Variants in CNTLN observed in about 807,000 individuals in gnomAD.
CNTLN encodes the protein centlein, centrosomal protein.
A neutral mutation model predicts 180.0 loss-of-function variants in CNTLN; 212 were observed. That is an observed-to-expected ratio of 1.18 (90% confidence interval 1.05 to 1.32). The LOEUF is 1.32. Ranked by LOEUF, CNTLN falls within the 40% of genes most tolerant of loss-of-function variation. The pLI, the probability that CNTLN is intolerant of heterozygous loss-of-function variation, is 0.00. For synonymous variants in CNTLN, 722 were observed against 563.1 expected, an observed-to-expected ratio of 1.28 and a Z score of -3.99; for missense variants, 2,095 against 1,610.9, an observed-to-expected ratio of 1.30 and a Z score of -5.14.
chr9:17,261,241 C>G (rs1449222508), intron 5 of CNTLN, among the ~76,000 whole-genome samples: 1 of 151,296 alleles, frequency 6.6e-6, no homozygotes, highest in Non-Finnish European at 1.5e-5. Flanking sequence ...AGAATAGCAT[C>G]GAATTTGTAG....
At chr9:17,353,824 C>T (rs1364892656) in intron 12 of CNTLN, among the ~76,000 whole-genome samples, 1 of 152,174 alleles carries the variant, frequency 6.6e-6, no homozygotes, top group Non-Finnish European at 1.5e-5. Context: ...ACCTGGGCTC[C>T]CACTTTGGTG....
chr9:17,520,671 T>G, the CNTLN span, among the ~76,000 whole-genome samples: 4 of 152,354 alleles, frequency 2.6e-5, no homozygotes, highest in Non-Finnish European at 4.4e-5. Context: ...TTATTTTAAC[T>G]GATAATTGGG....
intron 14 of CNTLN, among the ~76,000 whole-genome samples, chr9:17,392,269 AAAG>A (rs1826173371): frequency 6.6e-6 from 1 of 152,198 alleles, no homozygotes; most frequent in Admixed American, 6.5e-5. Flanking sequence ...TGACTCAAAG[AAAG>A]TGTAATTACT....
intron 18 of CNTLN, among the ~76,000 whole-genome samples, chr9:17,437,184 T>G (rs1829828574): frequency 6.6e-6 from 1 of 152,222 alleles, no homozygotes; most frequent in Non-Finnish European, 1.5e-5. Flanking sequence ...GACGTGACTG[T>G]CTTATTCCTA....
At chr9:17,269,230 A>C (rs1001794587) in intron 5 of CNTLN, among the ~76,000 whole-genome samples, 5 of 151,916 alleles carry the variant, frequency 3.3e-5, no homozygotes, top group Non-Finnish European at 7.4e-5. Context: ...TCTTATTTAA[A>C]ATTTTTTTTC....
intron 15 of CNTLN, 69 bp downstream of exon 15, chr9:17,395,138 A>G (rs1826422120): frequency 1.3e-6 from 2 of 1,490,916 alleles, no homozygotes; most frequent in Non-Finnish European, 8.9e-7. Context: ...GCAAATGGAG[A>G]TTGAATTTCA....
intron 8 of CNTLN, among the ~76,000 whole-genome samples, chr9:17,319,960 C>CT (rs1819794082): frequency 6.6e-6 from 1 of 152,214 alleles, no homozygotes; most frequent in Non-Finnish European, 1.5e-5. Context: ...CTGCTCTTCA[C>CT]TAGCTGAATT....
chr9:17,320,356 T>A (rs1237146245), intron 8 of CNTLN, among the ~76,000 whole-genome samples: 1 of 151,978 alleles, frequency 6.6e-6, no homozygotes, highest in Non-Finnish European at 1.5e-5. Flanking sequence ...ACAAATAATC[T>A]TGATTATATC....
intron 5 of CNTLN, among the ~76,000 whole-genome samples, chr9:17,252,694 T>C (rs1826220427): frequency 6.6e-6 from 1 of 151,772 alleles, no homozygotes; most frequent in Admixed American, 6.6e-5. Context: ...TTCTTGCTAC[T>C]TTGAAGATTG....
chr9:17,223,635 T>G (rs1220262729), intron 2 of CNTLN, among the ~76,000 whole-genome samples: 5 of 152,026 alleles, frequency 3.3e-5, no homozygotes, highest in African/African-American at 9.7e-5. Flanking sequence ...CATGTACAAT[T>G]CACCTTTCTT....
chr9:17,419,652 A>G (rs1828548444), intron 18 of CNTLN, among the ~76,000 whole-genome samples: 1 of 152,178 alleles, frequency 6.6e-6, no homozygotes, highest in African/African-American at 2.4e-5. Flanking sequence ...GTTAGGAGAT[A>G]CAGAGAAATA....
chr9:17,444,052 T>C (rs1830264536), intron 18 of CNTLN: 1 of 152,198 alleles, frequency 6.6e-6, no homozygotes, highest in Non-Finnish European at 1.5e-5. Context: ...TAGCAAGTGA[T>C]AGAAACAGAC....
intron 2 of CNTLN, among the ~76,000 whole-genome samples, chr9:17,214,468 C>T (rs1468323672): frequency 3.3e-5 from 5 of 152,218 alleles, no homozygotes; most frequent in Non-Finnish European, 7.3e-5. Context: ...CCCGACCTTT[C>T]TCTCTGGCTG....
intron 18 of CNTLN, among the ~76,000 whole-genome samples, chr9:17,418,276 T>G (rs1828420892): frequency 6.6e-6 from 1 of 152,018 alleles, no homozygotes; most frequent in African/African-American, 2.4e-5. Flanking sequence ...TTAACTAGAA[T>G]TAGATTTAAT....
chr9:17,226,779 A>C (rs1035397168), intron 3 of CNTLN, among the ~76,000 whole-genome samples: 6 of 151,980 alleles, frequency 3.9e-5, no homozygotes, highest in Non-Finnish European at 7.4e-5. Flanking sequence ...TTCTGCAGAC[A>C]GTACAGGATG....
intron 11 of CNTLN, among the ~76,000 whole-genome samples, chr9:17,342,017 G>C (rs1337583730): frequency 6.6e-6 from 1 of 151,786 alleles, no homozygotes; most frequent in Non-Finnish European, 1.5e-5. Context: ...TTTTGTATGC[G>C]GGGGGGACCG....
chr9:17,217,005 A>G (rs770017017), intron 2 of CNTLN, among the ~76,000 whole-genome samples: 1 of 152,240 alleles, frequency 6.6e-6, no homozygotes, highest in East Asian at 1.9e-4. Flanking sequence ...ATGGATGGTC[A>G]TGGGAACTAA....
At chr9:17,201,192 G>A (rs79003035) in intron 2 of CNTLN, among the ~76,000 whole-genome samples, 6 of 152,260 alleles carry the variant, frequency 3.9e-5, no homozygotes, top group South Asian at 2.1e-4. Flanking sequence ...CGTCTTGATC[G>A]TGGTGGATAA....
intron 5 of CNTLN, among the ~76,000 whole-genome samples, chr9:17,251,122 T>C (rs2132274839): frequency 6.6e-6 from 1 of 152,184 alleles, no homozygotes; most frequent in African/African-American, 2.4e-5. Context: ...TTTACTCTCA[T>C]TAAGGATGCC....
Sources: allele counts gnomAD v4.1 joint callset (sites outside exome capture counted in the v4.1 genomes callset), GRCh38; gene constraint gnomAD v4.1.1; transcripts MANE v1.5; gene names NCBI Gene and HGNC (gene_info 2026-07-23, HGNC 2026-07-21).